AHR: variants seen among roughly 807,000 people sequenced by gnomAD.
The protein encoded by AHR is AH-receptor.
Under a neutral mutation model 86.8 loss-of-function variants are expected in AHR, and 40 were observed. That is an observed-to-expected ratio of 0.46 (90% CI 0.36 to 0.60). The LOEUF is 0.60. Among genes scored for constraint, AHR ranks in the 20% least tolerant of loss-of-function variants. AHR has a pLI of 0.00. For missense variants in AHR, 1,001 were observed against 1,011.6 expected (o/e 0.99, Z 0.14); for synonymous variants, 398 against 354.9 (o/e 1.12, Z -1.37).
intron 2 of AHR, among the ~76,000 whole-genome samples, chr7:17,315,346 GT>G (rs1310949015): frequency 3.9e-5 from 6 of 151,986 alleles, no homozygotes; most frequent in African/African-American, 1.4e-4. Flanking sequence ...CTCTGCTTTT[GT>G]TTGCTTTGAC....
chr7:17,315,552 T>C (rs1051053762), intron 2 of AHR, among the ~76,000 whole-genome samples: 1 of 152,108 alleles, frequency 6.6e-6, no homozygotes, highest in East Asian at 1.9e-4. Context: ...TCATTAGTCA[T>C]CATTTTTTTT....
At chr7:17,299,352 C>T (rs1464075678) in intron 1 of AHR, 23 bp downstream of exon 1, 8 of 1,610,118 alleles carry the variant, frequency 5.0e-6, no homozygotes, top group Non-Finnish European at 6.8e-6. Flanking sequence ...AGCGCGTCCT[C>T]ATCGCGGGGG....
At chr7:17,319,945 T>C (rs1404602384) in intron 2 of AHR, among the ~76,000 whole-genome samples, 1 of 152,086 alleles carries the variant, frequency 6.6e-6, no homozygotes, top group East Asian at 1.9e-4. Flanking sequence ...TTCAATTATT[T>C]ACCAGTGATT....
intron 2 of AHR, among the ~76,000 whole-genome samples, chr7:17,315,716 C>T (rs1782108347): frequency 6.6e-6 from 1 of 151,818 alleles, no homozygotes; most frequent in Non-Finnish European, 1.5e-5. Flanking sequence ...TGGAAATGTA[C>T]ACCTTCATGT....
At chr7:17,300,483 C>A (rs1304594210) in intron 1 of AHR, among the ~76,000 whole-genome samples, 2 of 152,128 alleles carry the variant, frequency 1.3e-5, no homozygotes, top group Non-Finnish European at 2.9e-5. Context: ...AAGTTTCATT[C>A]TAAAATTTTA....
intron 10 of AHR, among the ~76,000 whole-genome samples, chr7:17,341,673 GA>G (rs1782425482): frequency 6.6e-6 from 1 of 151,928 alleles, no homozygotes; most frequent in South Asian, 2.1e-4. Context: ...GACTTGGCTT[GA>G]AAAAAGAATG....
In AHR at chr7:17,334,991, T is replaced by C. The variant is rs994419821; in HGVS notation, c.1013T>C (p.Ile338Thr). The C allele has an allele frequency of 2.0e-5, 33 of 1,611,920 alleles. No homozygotes were observed. The highest frequency in any genetic ancestry group is 2.3e-5 in the Non-Finnish European group (27 of 1,178,600). Residue 338 changes from isoleucine (I) to threonine (T), a missense_variant, in exon 8 of 11, where the codon ATC becomes ACC. By Grantham distance (89) the Ile-to-Thr change is moderately conservative. Coordinates refer to ENST00000242057, the MANE Select transcript of AHR (RefSeq NM_001621.5). ...ATGCTTTATTGTGCCGAGTCCCATA[T>C]CCGAAGTAAGTTGTAGTTCCTTATG... Reference protein sequence around the residue: ...ADMLYCAESHIRMIKTGESGM... With the variant: ...ADMLYCAESHTRMIKTGESGM...
intron 2 of AHR, among the ~76,000 whole-genome samples, chr7:17,317,001 T>G (rs1782121463): frequency 6.6e-6 from 1 of 152,098 alleles, no homozygotes; most frequent in African/African-American, 2.4e-5. Context: ...TTGTAGTAAA[T>G]TCTAAAAATG....
chr7:17,322,586 A>T lies in AHR; in HGVS notation c.339A>T (p.Gln113His), dbSNP rs374791470. The T allele has an allele frequency of 1.1e-5, 17 of 1,610,362 alleles. No individual in the cohort carries two copies. The African/African-American group carries it at 2.3e-4, about 22-fold the overall frequency. Residue 113 changes from glutamine (Q) to histidine (H), a missense_variant, in exon 3 of 11, where the codon CAA becomes CAT. By Grantham distance (24) the Gln-to-His change is conservative. Transcript: ENST00000242057. Reference protein sequence around the residue: ...AANFREGLNLQEGEFLLQALN... With the variant: ...AANFREGLNLHEGEFLLQALN... ...ATTTCAGAGAAGGCCTGAACTTACA[A>T]GAAGGAGAATTCTTATTACAGGTAA...
intron 2 of AHR, among the ~76,000 whole-genome samples, chr7:17,321,320 C>G (rs1241384892): frequency 1.3e-5 from 2 of 151,850 alleles, no homozygotes; most frequent in African/African-American, 2.4e-5. Flanking sequence ...TACATATATT[C>G]TCATTACTCT....
At position 17,339,839 on chromosome 7, in the gene AHR, TATA is replaced by T; in HGVS notation, c.2017_2019del (p.Asn673del). On this transcript the variant is annotated inframe_deletion, in exon 10 of 11. Transcript: ENST00000242057. ...TTGTCCACAGCAAGACCCACAACAA[TATA>T]ATGTCTTTACAGACTTACATGGGAT... 1 of 1,614,204 alleles carries T rather than the reference TATA, an allele frequency of 6.2e-7. No individual in the cohort carries two copies. The highest frequency in any genetic ancestry group is 8.5e-7 in the Non-Finnish European group (1 of 1,180,028).
chr7:17,344,554 A>G lies in AHR; in HGVS notation c.*1490A>G, dbSNP rs958239510. 6.6e-6 allele frequency: 1 copy of G among 152,420 alleles called. No homozygotes were observed. The highest frequency in any genetic ancestry group is 2.1e-4 in the South Asian group (1 of 4,820). The allele number at this position is 152,420 out of a possible 1,614,324, so 9.4% of individuals were successfully genotyped here. ...AATGATATACTGATCTTCATTACCA[A>G]TAGGCAAATTAATCACCCTACCAAC... is the stretch of plus-strand genomic sequence containing the variant. On this transcript the variant is annotated 3_prime_UTR_variant, in exon 11 of 11. Transcript: ENST00000242057.
At position 17,335,903 on chromosome 7, in the gene AHR, A is replaced by G; in HGVS notation, c.1160+117A>G. The stretch of plus-strand genomic sequence containing the variant: ...CTGTAAATAAAAATTGAAAAGTTTA[A>G]TTCATCTAGAAAGAAGAGCACAGGT... On this transcript the variant is annotated intron_variant, in intron 9 of 10. Transcript: ENST00000242057. 3 of 1,100,580 alleles carry G rather than the reference A, an allele frequency of 2.7e-6. No individual in the cohort carries two copies. The South Asian group carries it at 4.6e-5, about 17-fold the overall frequency. The allele number at this position is 1,100,580 out of a possible 1,614,324, so 68.2% of individuals were successfully genotyped here.
At chr7:17,313,884 A>G (rs1417174093) in intron 2 of AHR, among the ~76,000 whole-genome samples, 3 of 152,128 alleles carry the variant, frequency 2.0e-5, no homozygotes, top group African/African-American at 7.2e-5. Context: ...GTGAAGAGAA[A>G]GGATTGTTTC....
At chr7:17,308,563 G>A (rs1341682438) in intron 1 of AHR, among the ~76,000 whole-genome samples, 1 of 152,120 alleles carries the variant, frequency 6.6e-6, no homozygotes, top group Non-Finnish European at 1.5e-5. Flanking sequence ...GAGAAGTGAA[G>A]TAATTAGGTG....
chr7:17,300,938 T>C lies in AHR; in HGVS notation c.65+1609T>C, dbSNP rs530692563. On this transcript the variant is annotated intron_variant, in intron 1 of 10. Transcript: ENST00000242057. ...TTATCAAAGGACCTGGATGGCTTTG[T>C]AAACAAAAACAAATGCCATAATTTT... 5.9e-5 allele frequency among the ~76,000 whole-genome samples: 9 copies of C among 152,220 alleles called. No individual in the cohort carries two copies. The East Asian group carries it at 1.7e-3, about 29-fold the overall frequency.
intron 1 of AHR, among the ~76,000 whole-genome samples, chr7:17,306,494 C>T (rs533867022): frequency 3.9e-5 from 6 of 152,086 alleles, no homozygotes; most frequent in Non-Finnish European, 7.4e-5. Context: ...TGACTTTCTT[C>T]CTCTGTGTAT....
chr7:17,313,100 A>C (rs760670598), intron 2 of AHR, among the ~76,000 whole-genome samples: 27 of 152,214 alleles, frequency 1.8e-4, no homozygotes, highest in Non-Finnish European at 3.2e-4. Flanking sequence ...ATACAGAAAC[A>C]TACAGTTAGA....
At chr7:17,334,785 CAT>C in intron 7 of AHR, 100 bp from the exon 8 acceptor site, 4 of 743,504 alleles carry the variant, frequency 5.4e-6, no homozygotes, top group Non-Finnish European at 6.4e-6. Flanking sequence ...TGAACTAAAA[CAT>C]ATTGCAGAAA....
Sources: allele counts gnomAD v4.1 joint callset (sites outside exome capture counted in the v4.1 genomes callset), GRCh38; gene constraint gnomAD v4.1.1; transcripts MANE v1.5; gene names NCBI Gene and HGNC (gene_info 2026-07-23, HGNC 2026-07-21).